The following POM121C variants were observed in gnomAD, a reference collection of about 807,000 sequenced individuals.
POM121C encodes the protein nuclear envelope pore membrane protein POM 121C.
POM121C carries 20 observed loss-of-function variants against 66.4 expected under a neutral mutation model. The observed-to-expected ratio is 0.30, with a 90% CI of 0.21 to 0.44. The LOEUF is 0.44. Ranked by LOEUF, POM121C falls within the 20% of genes least tolerant of loss-of-function variation. POM121C has a pLI of 1.00. For synonymous variants in POM121C, 286 were observed against 528.0 expected (o/e 0.54, Z 6.28); for missense variants, 580 against 1,225.7 (o/e 0.47, Z 7.87).
At chr7:75,473,737 G>A (rs1371405107) in intron 3 of POM121C, among the ~76,000 whole-genome samples, 1 of 150,902 alleles carries the variant, frequency 6.6e-6, no homozygotes, top group Non-Finnish European at 1.5e-5. Flanking sequence ...CGCCCAGGCT[G>A]GAGTGCAGTG....
intron 7 of POM121C, among the ~76,000 whole-genome samples, chr7:75,435,883 C>A (rs1430526628): frequency 1.1e-4 from 17 of 152,080 alleles, no homozygotes; most frequent in African/African-American, 4.1e-4. Context: ...AACCTTGTGT[C>A]AAACTAAAAA....
chr7:75,455,283 A>T (rs1162857156), intron 3 of POM121C, among the ~76,000 whole-genome samples: 1 of 152,270 alleles, frequency 6.6e-6, no homozygotes, highest in Non-Finnish European at 1.5e-5. Context: ...GCCTTGACGC[A>T]CCTTGGGAAA....
intron 1 of POM121C, among the ~76,000 whole-genome samples, chr7:75,478,938 A>G (rs1792194657): frequency 6.8e-6 from 1 of 146,288 alleles, no homozygotes; most frequent in South Asian, 2.3e-4. Flanking sequence ...TGATACCATG[A>G]CATATTGCAA....
chr7:75,468,622 T>G (rs587751425), intron 3 of POM121C, among the ~76,000 whole-genome samples: 1 of 152,176 alleles, frequency 6.6e-6, no homozygotes, highest in East Asian at 1.9e-4. Context: ...CCTGACTGAC[T>G]CCAGCATTTT....
chr7:75,481,736 G>A lies in POM121C; in HGVS notation c.-458+4128C>T, dbSNP rs1432303516. Among the ~76,000 whole-genome samples the A allele has an allele frequency of 2.6e-5, 4 of 152,222 alleles. No individual in the cohort carries two copies. The East Asian group carries it at 7.7e-4, about 29-fold the overall frequency. ...AGCTACTTGGGAGGCTGAAGTGGGA[G>A]GATCACTTGAGCACAGGAGTTTGAG... is the stretch of plus-strand genomic sequence containing the variant. On this transcript the variant is annotated intron_variant, in intron 1 of 14. Coordinates refer to ENST00000615331, the MANE Select transcript of POM121C (RefSeq NM_001099415.3).
intron 1 of POM121C, among the ~76,000 whole-genome samples, chr7:75,483,169 C>T (rs1314140905): frequency 6.6e-6 from 1 of 152,144 alleles, no homozygotes; most frequent in East Asian, 1.9e-4. Flanking sequence ...CCAAGTTCTC[C>T]TTGGGCAGCA....
chr7:75,437,562 G>C lies in POM121C; in HGVS notation c.433C>G (p.Arg145Gly), dbSNP rs375169518. 1 of 1,613,834 alleles carries C rather than the reference G, an allele frequency of 6.2e-7. No homozygotes were observed. The highest frequency in any genetic ancestry group is 1.7e-5 in the Admixed American group (1 of 59,988). The change falls in exon 7 of 15, where the codon CGC becomes GGC. Residue 145 changes from arginine (R) to glycine (G), a missense_variant. Transcript: ENST00000615331. Reference protein sequence around the residue: ...AYTSGIPSSSRNAITSSYSST... With the variant: ...AYTSGIPSSSGNAITSSYSST... ...CTGTAGGAACTGGTAATGGCATTGC[G>C]GCTGGAGCTAGGGATGCCACTTGTG...
At chr7:75,471,083 T>C (rs1209843059) in intron 3 of POM121C, among the ~76,000 whole-genome samples, 2 of 152,170 alleles carry the variant, frequency 1.3e-5, no homozygotes, top group African/African-American at 2.4e-5. Flanking sequence ...TTTGAACTCA[T>C]GATGCGTCTC....
Position 75,423,189 on chromosome 7 carries a change from C to T in POM121C, c.1063G>A (p.Ala355Thr). The change falls in exon 13 of 15, where the codon GCA (alanine) becomes ACA (threonine). Residue 355 changes from alanine (A) to threonine (T), a missense_variant. Ala to Thr is a moderately conservative substitution (Grantham distance 58, BLOSUM62 0). Coordinates refer to ENST00000615331, the MANE Select transcript of POM121C (RefSeq NM_001099415.3). Reference sequence around the variant, plus strand: ...GGAGGTGAGAGGGCCTCAGTGGTTGCTGCTCCAGCAGATTCTGGAAGAAGA... The same window carrying T: ...GGAGGTGAGAGGGCCTCAGTGGTTGTTGCTCCAGCAGATTCTGGAAGAAGA... ...LPPCPESAGA[A>T]TTEALSPPKT... 1 of 1,485,070 alleles carries T rather than the reference C, an allele frequency of 6.7e-7. No homozygotes were observed. Among genetic ancestry groups the T allele is most frequent in the Non-Finnish European group, 9.0e-7 (1 of 1,106,386 alleles). The allele number at this position is 1,485,070 out of a possible 1,614,324, so 92.0% of individuals were successfully genotyped here. A position where few individuals can be genotyped will look rare whatever the true frequency, so the allele number is the denominator to read the frequency against.
At chr7:75,470,605 G>T (rs1250606914) in intron 3 of POM121C, among the ~76,000 whole-genome samples, 1 of 151,650 alleles carries the variant, frequency 6.6e-6, no homozygotes, top group African/African-American at 2.4e-5. Context: ...GGGACTACAG[G>T]TGCGTGCCAC....
At chr7:75,424,664 G>C in intron 10 of POM121C, 36 bp from the exon 11 acceptor site, 1 of 1,611,420 alleles carries the variant, frequency 6.2e-7, no homozygotes, top group Non-Finnish European at 8.5e-7. Context: ...AGGCCAATCA[G>C]AAAAAACGGG....
At chr7:75,435,527 G>A (rs587653009) in intron 7 of POM121C, among the ~76,000 whole-genome samples, 2 of 152,162 alleles carry the variant, frequency 1.3e-5, no homozygotes, top group South Asian at 2.1e-4. Flanking sequence ...TTTCAAAAAG[G>A]AAAACATAGA....
chr7:75,443,272 G>T (rs1322737098), intron 3 of POM121C, among the ~76,000 whole-genome samples: 1 of 152,084 alleles, frequency 6.6e-6, no homozygotes, highest in Non-Finnish European at 1.5e-5. Flanking sequence ...GTAGATTAGT[G>T]GTTGCCTAGG....
intron 13 of POM121C, 158 bp from the exon 14 acceptor site, chr7:75,419,600 C>T (rs1360140819): frequency 1.7e-4 from 145 of 842,332 alleles, no homozygotes; most frequent in South Asian, 6.5e-4. Flanking sequence ...GCCAGACAAC[C>T]GAGTCTTCAT....
At chr7:75,442,698 C>G in intron 3 of POM121C, 1 of 1,395,196 alleles carries the variant, frequency 7.2e-7, no homozygotes, top group Non-Finnish European at 9.2e-7. Flanking sequence ...CCTGCTCCAG[C>G]CGCCGCAGCC....
chr7:75,450,396 G>C (rs1173921390), intron 3 of POM121C, among the ~76,000 whole-genome samples: 1 of 152,226 alleles, frequency 6.6e-6, no homozygotes, highest in African/African-American at 2.4e-5. Flanking sequence ...TAGGAAAGCA[G>C]GGCAGTCACA....
rs587650539 is a variant in POM121C at position 75,484,318 on chromosome 7, A to T, written c.-458+1546T>A. On this transcript the variant is annotated intron_variant, in intron 1 of 14. Transcript: ENST00000615331. ...GCTCCGGCCTGCAAAGGCAGAAATC[A>T]CCTGCATAAGAACCGCAAAAGAAAG... 2.8e-4 allele frequency: 259 copies of T among 936,930 alleles called. 2 individuals carry two copies. In the African/African-American group the frequency reaches 2.8e-3, roughly 10 times the overall value. The allele number at this position is 936,930 out of a possible 1,614,324, so 58.0% of individuals were successfully genotyped here.
intron 3 of POM121C, among the ~76,000 whole-genome samples, chr7:75,460,602 T>C (rs1399354285): frequency 6.6e-6 from 1 of 152,090 alleles, no homozygotes; most frequent in Non-Finnish European, 1.5e-5. Flanking sequence ...AAAGAGTGAT[T>C]GGAATCAGCT....
intron 14 of POM121C, 133 bp from the exon 15 acceptor site, chr7:75,419,026 G>C (rs1308730369): frequency 2.1e-6 from 3 of 1,455,664 alleles, no homozygotes; most frequent in Non-Finnish European, 2.7e-6. Context: ...CGCTGCGTCA[G>C]AAACACTGTA....
Sources: gnomAD v4.1 joint callset for allele counts (sites outside exome capture counted in the v4.1 genomes callset) on GRCh38, gnomAD v4.1.1 for gene constraint, MANE v1.5 for transcripts, NCBI Gene and HGNC (gene_info 2026-07-23, HGNC 2026-07-21) for gene names.